PCDH15: variants seen among roughly 807,000 people sequenced by gnomAD.
PCDH15 encodes protocadherin related 15, also known as protocadherin-15.
Under a neutral mutation model 178.5 loss-of-function variants are expected in PCDH15, and 129 were observed. The observed-to-expected ratio is 0.72, with a 90% CI of 0.63 to 0.84. The LOEUF (loss-of-function observed/expected upper bound fraction) is 0.84. PCDH15 is among the 40% of genes least tolerant of loss of function. PCDH15 has a pLI of 0.00. For synonymous variants in PCDH15, 800 were observed against 732.0 expected (o/e 1.09, Z -1.50); for missense variants, 2,230 against 2,099.9 (o/e 1.06, Z -1.21).
At position 55,624,307 on chromosome 10, in the gene PCDH15, TA is replaced by T. The variant is rs892612378; in HGVS notation, c.-156+3317del. 3.1e-4 allele frequency among the ~76,000 whole-genome samples: 47 copies of T among 151,842 alleles called. 1 individual carries two copies. The highest frequency in any genetic ancestry group is 2.6e-3 in the Admixed American group (40 of 15,262). On this transcript the variant is annotated intron_variant, in intron 2 of 5. Transcript: ENST00000613346. Reference sequence around the variant, plus strand: ...TCAAAAGAGATTATTAGAGCTTCAATAAAAAAAATTAAAGAATAAGCTTATA... The same window carrying T: ...TCAAAAGAGATTATTAGAGCTTCAATAAAAAAATTAAAGAATAAGCTTATA...
chr10:54,973,265 G>A (rs369280563), intron 2 of PCDH15, among the ~76,000 whole-genome samples: 95 of 152,284 alleles, frequency 6.2e-4, no homozygotes, highest in African/African-American at 2.0e-3. Context: ...CAGATCAAGT[G>A]TATATGTTAA....
In PCDH15 at chr10:54,214,871, G is replaced by A. The variant is rs550616608; in HGVS notation, c.986-823C>T. On this transcript the variant is annotated intron_variant, in intron 9 of 37. Transcript: ENST00000644397. ...TTCCCAAAGTGCTAGAATTACAGGT[G>A]TGAGCCACCACGCCTAGCCAAGATG... Among the ~76,000 whole-genome samples, 5 of 152,294 alleles carry A rather than the reference G, an allele frequency of 3.3e-5. No homozygotes were observed. The East Asian group carries it at 9.6e-4, about 29-fold the overall frequency.
chr10:53,970,696 G>A (rs2089587673), intron 21 of PCDH15, among the ~76,000 whole-genome samples: 1 of 152,068 alleles, frequency 6.6e-6, no homozygotes, highest in African/African-American at 2.4e-5. Context: ...TAGAAGAAAT[G>A]GATGAATTCC....
At chr10:54,896,838 A>AC (rs1283468650) in intron 3 of PCDH15, among the ~76,000 whole-genome samples, 3 of 152,122 alleles carry the variant, frequency 2.0e-5, no homozygotes, top group Non-Finnish European at 4.4e-5. Flanking sequence ...AAGTAAAAAA[A>AC]ACAATGTTTC....
At chr10:55,443,412 A>C (rs1381020900) in intron 2 of PCDH15, among the ~76,000 whole-genome samples, 1 of 152,194 alleles carries the variant, frequency 6.6e-6, no homozygotes, top group East Asian at 1.9e-4. Flanking sequence ...AGAATCTACA[A>C]GGAACTTAAA....
intron 2 of PCDH15, among the ~76,000 whole-genome samples, chr10:55,406,570 T>C (rs906235119): frequency 3.9e-5 from 6 of 152,100 alleles, no homozygotes; most frequent in Non-Finnish European, 8.8e-5. Context: ...GTGGAGACAA[T>C]AGCAGATGTA....
chr10:54,678,610 G>C (rs920953249), intron 1 of PCDH15, among the ~76,000 whole-genome samples: 1 of 152,054 alleles, frequency 6.6e-6, no homozygotes, highest in Non-Finnish European at 1.5e-5. Context: ...AACGTTCCCT[G>C]TAGATGTTTT....
At chr10:54,998,521 GATA>G (rs1263416743) in intron 2 of PCDH15, among the ~76,000 whole-genome samples, 1 of 151,926 alleles carries the variant, frequency 6.6e-6, no homozygotes, top group Non-Finnish European at 1.5e-5. Context: ...AAAATGTTTA[GATA>G]ATAAAATATT....
In PCDH15 at chr10:54,296,144, CAAAAAAAAAAAAA is replaced by C. The variant is rs59721161; in HGVS notation, c.876+21114_876+21126del. 3.7e-4 allele frequency among the ~76,000 whole-genome samples: 18 copies of C among 48,222 alleles called. No individual in the cohort carries two copies. The East Asian group carries it at 0.013, about 36-fold the overall frequency. The allele number at this position is 48,222 out of a possible 152,430, so 31.6% of individuals were successfully genotyped here. ...TGGGCGACAGAGCGAGACTCCGTCTCAAAAAAAAAAAAAAAAAAAAAAAAAGTGGTTGGCACGG... is the reference window on the plus strand; with the variant it reads ...TGGGCGACAGAGCGAGACTCCGTCTCAAAAAAAAAAAAGTGGTTGGCACGG... On this transcript the variant is annotated intron_variant, in intron 8 of 37. Transcript: ENST00000644397.
chr10:54,374,654 C>CT (rs369230585), intron 4 of PCDH15, among the ~76,000 whole-genome samples: 1 of 151,644 alleles, frequency 6.6e-6, no homozygotes, highest in Admixed American at 6.6e-5. Context: ...CTCTTCCTTT[C>CT]TTTTTTTAAT....
At chr10:54,352,555 A>G (rs1463749916) in intron 5 of PCDH15, among the ~76,000 whole-genome samples, 1 of 152,168 alleles carries the variant, frequency 6.6e-6, no homozygotes, top group African/African-American at 2.4e-5. Flanking sequence ...TAATCACTAC[A>G]GTTACTTATC....
At chr10:55,323,021 C>T (rs906535895), upstream of PCDH15, among the ~76,000 whole-genome samples, 1 of 152,246 alleles carries the variant, frequency 6.6e-6, no homozygotes, top group African/African-American at 2.4e-5. Context: ...TGTGTCCCAG[C>T]TGCTTCAGCT....
At chr10:53,841,237 T>A (rs906691036) in intron 28 of PCDH15, among the ~76,000 whole-genome samples, 2 of 152,156 alleles carry the variant, frequency 1.3e-5, no homozygotes. Flanking sequence ...AAACTTTATA[T>A]TATTAACCCA....
chr10:55,376,721 T>C (rs1234444848), intron 2 of PCDH15, among the ~76,000 whole-genome samples: 1 of 152,116 alleles, frequency 6.6e-6, no homozygotes, highest in Non-Finnish European at 1.5e-5. Flanking sequence ...ACTGTTGTTC[T>C]TGGAGAGTCA....
At chr10:55,181,291 T>C (rs1343470194) in intron 1 of PCDH15, among the ~76,000 whole-genome samples, 2 of 152,018 alleles carry the variant, frequency 1.3e-5, no homozygotes, top group Non-Finnish European at 2.9e-5. Flanking sequence ...TTTTTAAGTA[T>C]TGGGTTAACC....
intron 7 of PCDH15, among the ~76,000 whole-genome samples, chr10:54,320,798 A>G (rs1182136674): frequency 6.6e-6 from 1 of 151,908 alleles, no homozygotes; most frequent in African/African-American, 2.4e-5. Context: ...TCCTCATCCC[A>G]TTATTAAGAG....
chr10:54,203,550 G>A (rs1035216144), intron 10 of PCDH15, among the ~76,000 whole-genome samples: 18 of 152,094 alleles, frequency 1.2e-4, no homozygotes, highest in African/African-American at 3.9e-4. Context: ...AAAGACAAAC[G>A]CATATAGAAT....
At chr10:54,391,024 C>A (rs1382029020) in intron 3 of PCDH15, among the ~76,000 whole-genome samples, 3 of 152,174 alleles carry the variant, frequency 2.0e-5, no homozygotes, top group African/African-American at 7.2e-5. Context: ...TCCTTCAAAG[C>A]TGCCCTGATG....
chr10:55,155,397 G>A (rs986328299), intron 2 of PCDH15, among the ~76,000 whole-genome samples: 4 of 144,662 alleles, frequency 2.8e-5, no homozygotes, highest in Admixed American at 7.2e-5. Context: ...AAGAATGGGT[G>A]AAATTTAATG....
Sources: gnomAD v4.1 joint callset for allele counts (sites outside exome capture counted in the v4.1 genomes callset) on GRCh38, gnomAD v4.1.1 for gene constraint, MANE v1.5 for transcripts, NCBI Gene and HGNC (gene_info 2026-07-23, HGNC 2026-07-21) for gene names.